MFAP1: variants seen among roughly 807,000 people sequenced by gnomAD.
MFAP1 encodes microfibrillar-associated protein 1.
A neutral mutation model predicts 62.2 loss-of-function variants in MFAP1; 18 were observed. The observed-to-expected ratio is 0.29, with a 90% confidence interval of 0.20 to 0.43. MFAP1 has a LOEUF of 0.43. Ranked by LOEUF, MFAP1 falls within the 20% of genes least tolerant of loss-of-function variation. MFAP1 has a pLI of 1.00. For synonymous variants in MFAP1, 175 were observed against 180.4 expected (o/e 0.97, Z 0.24); for missense variants, 355 against 559.7 (o/e 0.63, Z 3.69).
rs2087356670 is a variant in MFAP1, at chr15:43,805,451, T to G, written c.1062A>C (p.Glu354Asp). The change falls in exon 8 of 9, where the codon GAA becomes GAC. Residue 354 changes from glutamate (E) to aspartate (D), a missense_variant. Glu to Asp is a conservative substitution (Grantham distance 45). Coordinates refer to ENST00000267812, the MANE Select transcript of MFAP1 (RefSeq NM_005926.3). ...RGAFFMDEDE[E>D]VYKRDFSAPT... is the part of the protein sequence containing the mutation. ...GAGCGCTGAAATCTCTCTTGTATACTTCTTCATCCTCATCCTGTATAAAAA... is the reference window on the plus strand; with the variant it reads ...GAGCGCTGAAATCTCTCTTGTATACGTCTTCATCCTCATCCTGTATAAAAA... The G allele has an allele frequency of 1.2e-6, 2 of 1,610,826 alleles. No homozygotes were observed. The highest frequency in any genetic ancestry group is 1.7e-6 in the Non-Finnish European group (2 of 1,179,186).
At chr15:43,815,259 C>T (rs905834776) in intron 2 of MFAP1, among the ~76,000 whole-genome samples, 185 bp from the exon 3 acceptor site, 1 of 151,964 alleles carries the variant, frequency 6.6e-6, no homozygotes. Context: ...GGCTCACTGC[C>T]ACCTCTGCCT....
chr15:43,823,847 C>T (rs1201889824), intron 1 of MFAP1, among the ~76,000 whole-genome samples: 1 of 152,148 alleles, frequency 6.6e-6, no homozygotes, highest in Non-Finnish European at 1.5e-5. Context: ...GATACGGCGG[C>T]ATCTACTCGG....
At chr15:43,817,680 A>T (rs2087442410) in intron 1 of MFAP1, among the ~76,000 whole-genome samples, 1 of 152,218 alleles carries the variant, frequency 6.6e-6, no homozygotes, top group Admixed American at 6.5e-5. Context: ...GCTTACCTTG[A>T]GTACAATGAA....
intron 8 of MFAP1, 28 bp downstream of exon 8, chr15:43,805,348 T>C (rs772521232): frequency 1.2e-6 from 2 of 1,605,434 alleles, no homozygotes; most frequent in South Asian, 2.2e-5. Context: ...ATCACTTTTC[T>C]CTGTCATGTT....
At chr15:43,808,717 T>C (rs1183250721) in intron 7 of MFAP1, among the ~76,000 whole-genome samples, 2 of 152,194 alleles carry the variant, frequency 1.3e-5, no homozygotes, top group Non-Finnish European at 2.9e-5. Context: ...CTGAAACTGA[T>C]TTTGGAGGGT....
chr15:43,818,193 G>T (rs2087446108), intron 1 of MFAP1, among the ~76,000 whole-genome samples: 2 of 151,660 alleles, frequency 1.3e-5, no homozygotes, highest in Non-Finnish European at 2.9e-5. Flanking sequence ...CTAATTTTTT[G>T]TATTTTTAGT....
At chr15:43,817,500 C>A in intron 1 of MFAP1, 52 bp from the exon 2 acceptor site, 1 of 1,584,624 alleles carries the variant, frequency 6.3e-7, no homozygotes, top group South Asian at 1.1e-5. Flanking sequence ...CAATGTGCTT[C>A]AACCCATCAC....
chr15:43,811,305 C>G (rs1401639149), intron 6 of MFAP1, among the ~76,000 whole-genome samples: 25 of 149,912 alleles, frequency 1.7e-4, no homozygotes, highest in Admixed American at 1.7e-3. Context: ...GTCCCAGCTA[C>G]GCAGGAGGCT....
chr15:43,821,530 A>G (rs893523209), intron 1 of MFAP1, among the ~76,000 whole-genome samples: 1 of 152,200 alleles, frequency 6.6e-6, no homozygotes, highest in African/African-American at 2.4e-5. Flanking sequence ...AACAGAGAAA[A>G]GAAAAACAAA....
At position 43,818,522 on chromosome 15, in the gene MFAP1, C is replaced by CAAA. The variant is rs796976749; in HGVS notation, c.80-1077_80-1075dup. ...AAACTACCAAAAAAAAAAAAAGAAA[C>CAAA]AAAAAAAAAAAACCCCTAGACCAAC... is the stretch of plus-strand genomic sequence containing the variant. On this transcript the variant is annotated intron_variant, in intron 1 of 8. Coordinates refer to ENST00000267812, the MANE Select transcript of MFAP1 (RefSeq NM_005926.3). Among the ~76,000 whole-genome samples, 416 of 128,618 alleles carry CAAA rather than the reference C, an allele frequency of 3.2e-3. 1 individual carries two copies. The highest frequency in any genetic ancestry group is 0.011 in the African/African-American group (375 of 34,592). The allele number at this position is 128,618 out of a possible 152,430, so 84.4% of individuals were successfully genotyped here. A position where few individuals can be genotyped will look rare whatever the true frequency, so the allele number is the denominator to read the frequency against.
intron 1 of MFAP1, among the ~76,000 whole-genome samples, chr15:43,818,430 T>C (rs2087447966): frequency 6.6e-6 from 1 of 151,350 alleles, no homozygotes; most frequent in African/African-American, 2.4e-5. Context: ...TTTAGGTGGA[T>C]TTCACTTACA....
chr15:43,816,862 A>C (rs1162220046), intron 2 of MFAP1, among the ~76,000 whole-genome samples: 1 of 152,212 alleles, frequency 6.6e-6, no homozygotes, highest in Admixed American at 6.5e-5. Flanking sequence ...GTAGATGTAT[A>C]AAATCAATTT....
At chr15:43,814,824 G>C in intron 3 of MFAP1, 121 bp downstream of exon 3, 1 of 1,493,058 alleles carries the variant, frequency 6.7e-7, no homozygotes, top group Admixed American at 2.0e-5. Flanking sequence ...CCACAAACAA[G>C]GAACATGATC....
At position 43,824,597 on chromosome 15, in the gene MFAP1, A is replaced by C; in HGVS notation, c.-28T>G. On this transcript the variant is annotated 5_prime_UTR_variant, in exon 1 of 9. Transcript: ENST00000267812. ...TGATGGCAGCGACGGTGATTCCCGAAACTTGACTAATTCCAAACAGTGAAC... is the reference window on the plus strand; with the variant it reads ...TGATGGCAGCGACGGTGATTCCCGACACTTGACTAATTCCAAACAGTGAAC... 6.2e-7 allele frequency: 1 copy of C among 1,613,220 alleles called. No individual in the cohort carries two copies. Among genetic ancestry groups the C allele is most frequent in the Non-Finnish European group, 8.5e-7 (1 of 1,179,144 alleles).
At chr15:43,809,460 C>T (rs906969499) in intron 7 of MFAP1, among the ~76,000 whole-genome samples, 1 of 151,466 alleles carries the variant, frequency 6.6e-6, no homozygotes, top group Non-Finnish European at 1.5e-5. Flanking sequence ...CACCACCGTA[C>T]CCCAGCCTGG....
chr15:43,818,339 G>A (rs1447070594), intron 1 of MFAP1, among the ~76,000 whole-genome samples: 1 of 152,098 alleles, frequency 6.6e-6, no homozygotes, highest in Non-Finnish European at 1.5e-5. Context: ...AACAATTCTA[G>A]TGAACAAAGA....
At chr15:43,817,133 G>T in intron 2 of MFAP1, 96 bp downstream of exon 2, 1 of 1,201,060 alleles carries the variant, frequency 8.3e-7, no homozygotes, top group Non-Finnish European at 1.2e-6. Context: ...ATTAGCAAAT[G>T]TAATCTACTT....
intron 1 of MFAP1, among the ~76,000 whole-genome samples, chr15:43,820,929 A>G (rs1350416737): frequency 6.6e-6 from 1 of 152,168 alleles, no homozygotes; most frequent in Non-Finnish European, 1.5e-5. Context: ...TGTTTGAGAA[A>G]GGGTCTCATT....
intron 2 of MFAP1, 50 bp downstream of exon 2, chr15:43,817,179 T>C: frequency 1.3e-6 from 2 of 1,499,364 alleles, no homozygotes; most frequent in Non-Finnish European, 1.8e-6. Context: ...TTATTATTAT[T>C]ATTAAGCTGT....
Sources: gnomAD v4.1 joint callset for allele counts (sites outside exome capture counted in the v4.1 genomes callset) on GRCh38, gnomAD v4.1.1 for gene constraint, MANE v1.5 for transcripts, NCBI Gene and HGNC (gene_info 2026-07-23, HGNC 2026-07-21) for gene names.